The following AUH variants were observed in gnomAD, a reference collection of about 807,000 sequenced individuals.
AUH encodes AU RNA binding methylglutaconyl-CoA hydratase, also known as methylglutaconyl-CoA hydratase, mitochondrial.
AUH carries 29 observed loss-of-function variants against 42.3 expected under a neutral mutation model. That is an observed-to-expected ratio of 0.69 (90% confidence interval 0.51 to 0.93). The LOEUF is 0.93. Ranked by LOEUF, AUH falls within the 40% of genes least tolerant of loss-of-function variation. The pLI is 0.00. For missense variants in AUH, 452 were observed against 438.1 expected (o/e 1.03, Z -0.28); for synonymous variants, 174 against 166.4 (o/e 1.05, Z -0.35).
rs1352456447 is a variant in AUH, at chr9:91,325,412, G to GT, written c.419-9dup. ...TTTCCTTAAGGTCAGCACCTGCAAA[G>GT]TATTTTATTTACAAATATAATCTAG... On this transcript the variant is annotated splice_polypyrimidine_tract_variant and intron_variant, in intron 3 of 9. Coordinates refer to ENST00000375731, the MANE Select transcript of AUH (RefSeq NM_001698.3). 6.2e-7 allele frequency: 1 copy of GT among 1,612,276 alleles called. No homozygotes were observed. The highest frequency in any genetic ancestry group is 1.1e-5 in the South Asian group (1 of 91,058).
intron 4 of AUH, chr9:91,306,384 T>C: frequency 2.0e-6 from 2 of 985,272 alleles, no homozygotes; most frequent in Non-Finnish European, 2.4e-6. Flanking sequence ...AACAAAACTC[T>C]TGGCATTTAA....
chr9:91,317,036 A>G (rs1011143976), intron 4 of AUH, among the ~76,000 whole-genome samples: 1 of 152,214 alleles, frequency 6.6e-6, no homozygotes, highest in East Asian at 1.9e-4. Context: ...CCTCTGTCAC[A>G]TATCAACTTC....
intron 6 of AUH, among the ~76,000 whole-genome samples, chr9:91,278,642 A>G (rs2131550870): frequency 6.6e-6 from 1 of 152,356 alleles, no homozygotes; most frequent in South Asian, 2.1e-4. Flanking sequence ...GTGGTTGGTC[A>G]TTTCACAAAA....
chr9:91,265,663 T>A (rs1347273281), intron 6 of AUH, among the ~76,000 whole-genome samples: 1 of 152,174 alleles, frequency 6.6e-6, no homozygotes, highest in African/African-American at 2.4e-5. Flanking sequence ...AGTCTGACTA[T>A]CGAGCAGTAG....
intron 4 of AUH, among the ~76,000 whole-genome samples, chr9:91,310,883 A>G: frequency 6.6e-6 from 1 of 152,336 alleles, no homozygotes. Context: ...GGCCAAGATG[A>G]AAGTTTGATA....
chr9:91,353,217 G>A (rs1832125486), intron 3 of AUH, among the ~76,000 whole-genome samples: 1 of 152,028 alleles, frequency 6.6e-6, no homozygotes, highest in Admixed American at 6.5e-5. Context: ...CTCCTGAGTA[G>A]CTGGGATTAC....
chr9:91,236,921 G>A (rs978017063), intron 6 of AUH, among the ~76,000 whole-genome samples: 14 of 151,936 alleles, frequency 9.2e-5, no homozygotes, highest in East Asian at 1.9e-4. Context: ...CCCACAAATC[G>A]ATAAAATGGC....
intron 4 of AUH, among the ~76,000 whole-genome samples, chr9:91,322,769 CCA>C (rs1372764286): frequency 1.3e-5 from 2 of 152,124 alleles, no homozygotes; most frequent in Non-Finnish European, 2.9e-5. Context: ...TATGATTCTA[CCA>C]AAAGCATTTT....
chr9:91,238,786 A>G (rs916026516), intron 6 of AUH, among the ~76,000 whole-genome samples: 4 of 152,238 alleles, frequency 2.6e-5, no homozygotes, highest in African/African-American at 9.6e-5. Context: ...CTTAAAGCAC[A>G]GCAAGCTTTT....
intron 6 of AUH, among the ~76,000 whole-genome samples, chr9:91,267,543 C>T (rs888775460): frequency 2.6e-5 from 4 of 152,024 alleles, no homozygotes; most frequent in African/African-American, 4.8e-5. Context: ...TCCTTTGGGC[C>T]GCATCTGCTT....
intron 7 of AUH, 136 bp from the exon 8 acceptor site, chr9:91,217,463 T>C (rs1587613683): frequency 1.1e-6 from 1 of 878,870 alleles, no homozygotes; most frequent in Middle Eastern, 2.3e-4. Flanking sequence ...AGATGGAAAA[T>C]TTTCTGAGCC....
chr9:91,238,084 A>T (rs905854648), intron 6 of AUH, among the ~76,000 whole-genome samples: 3 of 152,182 alleles, frequency 2.0e-5, no homozygotes, highest in Admixed American at 6.6e-5. Context: ...TTTTATACTA[A>T]TTTTATTGCT....
At chr9:91,303,579 G>A (rs953198586) in intron 4 of AUH, among the ~76,000 whole-genome samples, 2 of 152,082 alleles carry the variant, frequency 1.3e-5, no homozygotes, top group Non-Finnish European at 2.9e-5. Flanking sequence ...CACCCGCCTC[G>A]GCCTCCCAAA....
intron 3 of AUH, among the ~76,000 whole-genome samples, chr9:91,332,240 G>A (rs117619025): frequency 0.013 from 1,944 of 152,290 alleles, 13 homozygotes; most frequent in Non-Finnish European, 0.017. Flanking sequence ...GGTGGCTCAC[G>A]CCTGGAATCA....
chr9:91,273,712 T>C (rs1825335967), intron 6 of AUH, among the ~76,000 whole-genome samples: 1 of 152,072 alleles, frequency 6.6e-6, no homozygotes, highest in South Asian at 2.1e-4. Flanking sequence ...ATGAGGCAAA[T>C]CAGTAAAAAA....
intron 6 of AUH, among the ~76,000 whole-genome samples, chr9:91,221,291 C>A (rs868493651): frequency 6.6e-5 from 10 of 152,166 alleles, no homozygotes; most frequent in African/African-American, 2.4e-4. Context: ...CCATCAGTAA[C>A]CATCAGGTGA....
At chr9:91,324,480 G>A (rs781518561) in intron 4 of AUH, among the ~76,000 whole-genome samples, 3 of 148,776 alleles carry the variant, frequency 2.0e-5, no homozygotes, top group Admixed American at 6.7e-5. Flanking sequence ...TCCAGCCTGG[G>A]TGATAAAGTG....
chr9:91,234,424 T>G (rs1024185350), intron 6 of AUH, among the ~76,000 whole-genome samples: 2 of 152,200 alleles, frequency 1.3e-5, no homozygotes, highest in African/African-American at 4.8e-5. Context: ...CAGTTTGTGC[T>G]CTAAGCTTCA....
At chr9:91,262,097 G>A (rs1829735757) in intron 6 of AUH, among the ~76,000 whole-genome samples, 2 of 152,158 alleles carry the variant, frequency 1.3e-5, no homozygotes, top group Non-Finnish European at 2.9e-5. Flanking sequence ...AGCATTTCAT[G>A]TTTATACTCC....
Sources: allele counts gnomAD v4.1 joint callset (sites outside exome capture counted in the v4.1 genomes callset), GRCh38; gene constraint gnomAD v4.1.1; transcripts MANE v1.5; gene names NCBI Gene and HGNC (gene_info 2026-07-23, HGNC 2026-07-21).